The following CBLB variants were observed in gnomAD, a reference collection of about 807,000 sequenced individuals.
CBLB encodes the protein E3 ubiquitin-protein ligase CBL-B.
Under a neutral mutation model 104.9 loss-of-function variants are expected in CBLB, and 31 were observed. The observed-to-expected ratio is 0.30, with a 90% CI of 0.22 to 0.40. CBLB has a LOEUF of 0.40. Ranked by LOEUF, CBLB falls within the 10% of genes least tolerant of loss-of-function variation. The pLI is 1.00. For synonymous variants in CBLB, 440 were observed against 422.6 expected, an observed-to-expected ratio of 1.04 and a Z score of -0.51; for missense variants, 1,062 against 1,214.6, an observed-to-expected ratio of 0.87 and a Z score of 1.87.
chr3:105,713,156 C>T (rs2071345260), intron 10 of CBLB, among the ~76,000 whole-genome samples: 1 of 152,078 alleles, frequency 6.6e-6, no homozygotes, highest in South Asian at 2.1e-4. Flanking sequence ...TAGCATTTTC[C>T]ATGTGCCAGC....
chr3:105,718,600 T>C (rs2072272798), intron 10 of CBLB, among the ~76,000 whole-genome samples: 1 of 152,208 alleles, frequency 6.6e-6, no homozygotes, highest in Admixed American at 6.5e-5. Context: ...TTACACATTA[T>C]CATCACTCCA....
At chr3:105,676,927 T>C (rs1326764975) in intron 17 of CBLB, among the ~76,000 whole-genome samples, 1 of 152,190 alleles carries the variant, frequency 6.6e-6, no homozygotes, top group African/African-American at 2.4e-5. Context: ...ATGTAAGACA[T>C]GCCCTGGTTC....
chr3:105,788,033 ACTT>A (rs1253521770), intron 3 of CBLB, among the ~76,000 whole-genome samples: 7 of 152,202 alleles, frequency 4.6e-5, no homozygotes, highest in Admixed American at 1.3e-4. Flanking sequence ...TAAGAAGCTG[ACTT>A]ATTTATTTGC....
intron 12 of CBLB, among the ~76,000 whole-genome samples, chr3:105,698,088 T>C (rs1482597373): frequency 6.6e-6 from 1 of 152,102 alleles, no homozygotes; most frequent in East Asian, 1.9e-4. Flanking sequence ...CAAAATCAGA[T>C]AAATAAACAA....
chr3:105,788,702 A>T (rs1435125987), intron 3 of CBLB, among the ~76,000 whole-genome samples: 1 of 152,230 alleles, frequency 6.6e-6, no homozygotes, highest in African/African-American at 2.4e-5. Flanking sequence ...GTAAAAAATT[A>T]AAAATGGCCA....
At chr3:105,718,575 T>C (rs1345862171) in intron 10 of CBLB, among the ~76,000 whole-genome samples, 1 of 152,176 alleles carries the variant, frequency 6.6e-6, no homozygotes, top group Admixed American at 6.5e-5. Flanking sequence ...ATACGGTGAA[T>C]ACAATCTGAT....
At chr3:105,745,402 G>A (rs967325234) in intron 6 of CBLB, among the ~76,000 whole-genome samples, 1 of 152,006 alleles carries the variant, frequency 6.6e-6, no homozygotes, top group Non-Finnish European at 1.5e-5. Flanking sequence ...TAAAACACGA[G>A]GCATTATGAA....
chr3:105,692,890 T>A (rs1290846838), intron 13 of CBLB, among the ~76,000 whole-genome samples: 1 of 148,978 alleles, frequency 6.7e-6, no homozygotes, highest in Non-Finnish European at 1.5e-5. Flanking sequence ...AGTGTGCCTC[T>A]GGGGCCCCAT....
At chr3:105,869,186 A>G (rs934898033), upstream of CBLB, 111 of 618,064 alleles carry the variant, frequency 1.8e-4, no homozygotes, top group Non-Finnish European at 2.9e-4. Context: ...CGTCCTCCAC[A>G]GTACACAATG....
chr3:105,695,601 C>T (rs930086625), intron 12 of CBLB, among the ~76,000 whole-genome samples: 1 of 151,784 alleles, frequency 6.6e-6, no homozygotes, highest in African/African-American at 2.4e-5. Context: ...TTTTTTGAAA[C>T]AATCCATTAA....
At chr3:105,851,101 C>T (rs934121330) in intron 3 of CBLB, among the ~76,000 whole-genome samples, 2 of 152,122 alleles carry the variant, frequency 1.3e-5, no homozygotes, top group Non-Finnish European at 2.9e-5. Context: ...CAACTTTATA[C>T]ATGATTACCC....
At chr3:105,725,767 G>T (rs373754688) in intron 9 of CBLB, among the ~76,000 whole-genome samples, 1 of 152,188 alleles carries the variant, frequency 6.6e-6, no homozygotes, top group Admixed American at 6.6e-5. Flanking sequence ...TAGTACCTAA[G>T]TTATAAAATT....
At chr3:105,748,043 T>C (rs1049266305) in intron 5 of CBLB, among the ~76,000 whole-genome samples, 2 of 152,228 alleles carry the variant, frequency 1.3e-5, no homozygotes, top group Non-Finnish European at 2.9e-5. Flanking sequence ...GTAGTACTTA[T>C]GTGCTTTTTC....
intron 1 of CBLB, chr3:105,868,380 C>G (rs1026207305): frequency 2.3e-6 from 1 of 442,598 alleles, no homozygotes; most frequent in Non-Finnish European, 3.7e-6. Context: ...CTTCCCGGCC[C>G]CTCGGGTCTG....
At chr3:105,786,609 C>T (rs545961045) in intron 3 of CBLB, among the ~76,000 whole-genome samples, 16 of 152,298 alleles carry the variant, frequency 1.1e-4, no homozygotes, top group Admixed American at 2.6e-4. Context: ...AAAGAAAAAC[C>T]TCTTAGTTCT....
At chr3:105,695,983 G>C (rs1359103989) in intron 12 of CBLB, among the ~76,000 whole-genome samples, 4 of 151,474 alleles carry the variant, frequency 2.6e-5, no homozygotes, top group Non-Finnish European at 5.9e-5. Context: ...AGGTTTAGCT[G>C]AAAGAAATTC....
chr3:105,790,386 T>C (rs2081496331), intron 3 of CBLB, among the ~76,000 whole-genome samples: 1 of 152,244 alleles, frequency 6.6e-6, no homozygotes, highest in Admixed American at 6.5e-5. Context: ...TCTACAAGTA[T>C]AGCTTACTTA....
chr3:105,737,070 A>G (rs1361011224), intron 8 of CBLB, 101 bp downstream of exon 8: 1 of 526,066 alleles, frequency 1.9e-6, no homozygotes, highest in Non-Finnish European at 3.4e-6. Flanking sequence ...ATTTTGTATT[A>G]AATACCTGTG....
At chr3:105,858,387 ATTGC>A (rs1387211945) in intron 2 of CBLB, among the ~76,000 whole-genome samples, 1 of 152,176 alleles carries the variant, frequency 6.6e-6, no homozygotes, top group Non-Finnish European at 1.5e-5. Flanking sequence ...GGAAAGAAAA[ATTGC>A]TTTTCTAAAG....
Sources: gnomAD v4.1 joint callset for allele counts (sites outside exome capture counted in the v4.1 genomes callset) on GRCh38, gnomAD v4.1.1 for gene constraint, MANE v1.5 for transcripts, NCBI Gene and HGNC (gene_info 2026-07-23, HGNC 2026-07-21) for gene names.